Variants in SLC35B2 observed in about 807,000 individuals in gnomAD.
The protein encoded by SLC35B2 is solute carrier family 35 member B2, also known as adenosine 3'-phospho 5'-phosphosulfate transporter 1.
In SLC35B2, 19 loss-of-function variants were observed where a neutral mutation model predicts 37.9. That is an observed-to-expected ratio of 0.50 (90% CI 0.35 to 0.74). The LOEUF is 0.74. SLC35B2 is among the 30% of genes least tolerant of loss of function. The pLI, the probability that SLC35B2 is intolerant of heterozygous loss-of-function variation, is 0.01. For synonymous variants in SLC35B2, 277 were observed against 225.2 expected (o/e 1.23, Z -2.06); for missense variants, 633 against 547.6 (o/e 1.16, Z -1.56).
intron 3 of SLC35B2, among the ~76,000 whole-genome samples, chr6:44,256,099 C>T (rs1781453405): frequency 6.6e-6 from 1 of 151,358 alleles, no homozygotes; most frequent in Non-Finnish European, 1.5e-5. Context: ...GTCCTCTCTT[C>T]TGCACTAGAC....
At chr6:44,256,058 A>G (rs1781434224) in intron 3 of SLC35B2, among the ~76,000 whole-genome samples, 1 of 119,544 alleles carries the variant, frequency 8.4e-6, no homozygotes, top group African/African-American at 3.3e-5. Context: ...ATAACGGCAC[A>G]GTAGAAATCA....
Position 44,254,623 on chromosome 6 carries a change from T to A in SLC35B2, c.*83A>T, listed in dbSNP as rs1781165839. The A allele has an allele frequency of 2.0e-6, 3 of 1,469,588 alleles. No individual in the cohort carries two copies. Among genetic ancestry groups the A allele is most frequent in the Non-Finnish European group, 2.7e-6 (3 of 1,092,952 alleles). The allele number at this position is 1,469,588 out of a possible 1,614,324, so 91.0% of individuals were successfully genotyped here. On this transcript the variant is annotated 3_prime_UTR_variant, in exon 4 of 4. Coordinates refer to ENST00000393812, the MANE Select transcript of SLC35B2 (RefSeq NM_178148.4). ...GAGAAAACACCTGCATTTTGCCCTT[T>A]CAGCCAGCTCCCTCAGAGGTTACAG...
rs1781097072 is a variant in SLC35B2 at position 44,254,167 on chromosome 6, C to T, written c.*539G>A. The T allele has an allele frequency of 4.6e-6, 1 of 217,830 alleles. No individual in the cohort carries two copies. The highest frequency in any genetic ancestry group is 9.4e-6 in the Non-Finnish European group (1 of 106,670). 13.5% of individuals were successfully genotyped at this position (217,830 alleles called of 1,614,324 possible). A position where few individuals can be genotyped will look rare whatever the true frequency, so the allele number is the denominator to read the frequency against. On this transcript the variant is annotated 3_prime_UTR_variant, in exon 4 of 4. Coordinates refer to ENST00000393812, the MANE Select transcript of SLC35B2 (RefSeq NM_178148.4). ...GCAAAAAGTTACATTTCTAAAGTAC[C>T]AAAACCTGCAACAGGCTCATGGAAC... is the stretch of plus-strand genomic sequence containing the variant.
Position 44,255,402 on chromosome 6 carries a change from G to A in SLC35B2, c.603C>T (p.Tyr201=), listed in dbSNP as rs967910881. The A allele has an allele frequency of 8.1e-6, 13 of 1,614,112 alleles. No individual in the cohort carries two copies. The highest frequency in any genetic ancestry group is 1.7e-5 in the Admixed American group (1 of 60,016). The change falls in exon 4 of 4, where the codon TAC becomes TAT. Residue 201 remains tyrosine (Y), a synonymous_variant. Transcript: ENST00000393812. ...LSNVLSSWCQ[Y]EALKFVSFPT... The stretch of plus-strand genomic sequence containing the variant: ...GGAAGCTGACGAACTTAAGAGCTTC[G>A]TATTGGCACCAGCTGCTAAGCACAT...
intron 2 of SLC35B2, 34 bp from the exon 3 acceptor site, chr6:44,256,530 T>A (rs369016707): frequency 1.2e-6 from 2 of 1,613,878 alleles, no homozygotes; most frequent in Non-Finnish European, 1.7e-6. Context: ...GCCCCAAATC[T>A]TCTCCATAGC....
chr6:44,255,325 C>G lies in SLC35B2; in HGVS notation c.680G>C (p.Gly227Ala). Residue 227 changes from glycine to alanine, a missense_variant, in exon 4 of 4, where the codon GGA becomes GCA. Transcript: ENST00000393812. ...ASKVIPVMLM[G>A]KLVSRRSYEH... ...GTAGCTGCGCCGAGACACAAGCTTT[C>G]CCATCAGCATGACAGGGATCACCTT... is the stretch of plus-strand genomic sequence containing the variant. 1 of 1,614,226 alleles carries G rather than the reference C, an allele frequency of 6.2e-7. No individual in the cohort carries two copies. The highest frequency in any genetic ancestry group is 8.5e-7 in the Non-Finnish European group (1 of 1,180,038).
In SLC35B2 at chr6:44,254,565, C is replaced by CA. The variant is rs372623286; in HGVS notation, c.*140dup. The CA allele has an allele frequency of 1.8e-4, 175 of 996,708 alleles. 1 individual carries two copies. The African/African-American group carries it at 2.6e-3, about 15-fold the overall frequency. 61.7% of individuals were successfully genotyped at this position (996,708 alleles called of 1,614,324 possible). A position where few individuals can be genotyped will look rare whatever the true frequency, so the allele number is the denominator to read the frequency against. ...AGGGAAGGCTGCCTCCTGGGCTCCC[C>CA]AATCCCCTGCTGCAGAGCTGGTCTG... On this transcript the variant is annotated 3_prime_UTR_variant, in exon 4 of 4. Coordinates refer to ENST00000393812, the MANE Select transcript of SLC35B2 (RefSeq NM_178148.4).
At position 44,256,910 on chromosome 6, in the gene SLC35B2, G is replaced by A. The variant is rs1583004077; in HGVS notation, c.12-32C>T. 3 of 1,573,482 alleles carry A rather than the reference G, an allele frequency of 1.9e-6. No individual in the cohort carries two copies. In the East Asian group the frequency reaches 6.8e-5, roughly 36 times the overall value. On this transcript the variant is annotated intron_variant, in intron 1 of 3. Transcript: ENST00000393812. ...GGAAAGCGGACATAAGGATTAGGGC[G>A]CAGCTCCTCATCCCCTCCGCCCTCC...
Position 44,255,561 on chromosome 6 carries a change from G to T in SLC35B2, c.444C>A (p.Arg148=), listed in dbSNP as rs1055447623. 6.2e-7 allele frequency: 1 copy of T among 1,614,202 alleles called. No homozygotes were observed. The highest frequency in any genetic ancestry group is 1.1e-5 in the South Asian group (1 of 91,074). Residue 148 remains arginine (R), a synonymous_variant, in exon 4 of 4, where the codon CGC becomes CGA. Transcript: ENST00000393812. The part of the protein sequence containing the change: ...YGATATSPGE[R]FTDSQFLVLM... ...GCACCAGGAACTGCGAGTCCGTAAA[G>T]CGCTCACCCGGTGATGTGGCTGTGG...
rs1561909483 is a variant in SLC35B2, at chr6:44,255,610, C to CT, written c.394dup (p.Arg132LysfsTer16). 1.2e-6 allele frequency: 2 copies of CT among 1,614,036 alleles called. No individual in the cohort carries two copies. The highest frequency in any genetic ancestry group is 1.7e-5 in the Admixed American group (1 of 60,024). ...GGCCCCATAGCTGCGGGTCATCACT[C>CT]TTTCCTGCAGCACACCCCAAGTCAG... On this transcript the variant is annotated frameshift_variant, in exon 4 of 4. Transcript: ENST00000393812. LOFTEE classifies it high-confidence loss of function.
intron 1 of SLC35B2, 168 bp from the exon 2 acceptor site, chr6:44,257,046 C>G (rs1781608055): frequency 2.5e-6 from 2 of 798,970 alleles, no homozygotes; most frequent in African/African-American, 3.5e-5. Context: ...GGAGGGGGTG[C>G]GCCGGCGCTG....
At chr6:44,257,081 CG>C in intron 1 of SLC35B2, 2 of 645,270 alleles carry the variant, frequency 3.1e-6, no homozygotes, top group Non-Finnish European at 5.1e-6. Context: ...CCTCCCTCCC[CG>C]GGGGCGGATC....
rs1354199813 is a variant in SLC35B2 at position 44,254,970 on chromosome 6, G to A, written c.1035C>T (p.Ser345=). The A allele has an allele frequency of 6.2e-7, 1 of 1,614,206 alleles. No individual in the cohort carries two copies. ...SEFAAHALLL[S]ICSACGQLFI... The stretch of plus-strand genomic sequence containing the variant: ...AGAGCTGGCCACATGCGGAGCAGAT[G>A]GAGAGTAGCAGGGCATGGGCAGCAA... Residue 345 remains serine, a synonymous_variant, in exon 4 of 4, where the codon TCC becomes TCT. Coordinates refer to ENST00000393812, the MANE Select transcript of SLC35B2 (RefSeq NM_178148.4).
At chr6:44,257,014 T>TCTC (rs1781597862) in intron 1 of SLC35B2, 136 bp from the exon 2 acceptor site, 2 of 248,892 alleles carry the variant, frequency 8.0e-6, no homozygotes, top group Admixed American at 6.3e-5. Context: ...ACAAAGAGCC[T>TCTC]CTCTCTCTCT....
chr6:44,254,532 A>T lies in SLC35B2; in HGVS notation c.*174T>A. Reference sequence around the variant, plus strand: ...CTGCTTACTGGAAGATGGGTGACTTAAGGCAAAAGGGAAGGCTGCCTCCTG... The same window carrying T: ...CTGCTTACTGGAAGATGGGTGACTTTAGGCAAAAGGGAAGGCTGCCTCCTG... On this transcript the variant is annotated 3_prime_UTR_variant, in exon 4 of 4. Transcript: ENST00000393812. The T allele has an allele frequency of 4.2e-6, 3 of 708,786 alleles. No homozygotes were observed. The highest frequency in any genetic ancestry group is 6.8e-6 in the Non-Finnish European group (3 of 438,180). The allele number at this position is 708,786 out of a possible 1,614,324, so 43.9% of individuals were successfully genotyped here. A position where few individuals can be genotyped will look rare whatever the true frequency, so the allele number is the denominator to read the frequency against.
upstream of SLC35B2, chr6:44,257,563 C>T (rs1233582122): frequency 2.9e-6 from 2 of 684,848 alleles, no homozygotes; most frequent in Non-Finnish European, 3.9e-6. Context: ...CCGCGGCCCC[C>T]TCCGCCCCTG....
chr6:44,255,310 C>A lies in SLC35B2; in HGVS notation c.695G>T (p.Arg232Leu). The A allele has an allele frequency of 1.2e-6, 2 of 1,614,216 alleles. No individual in the cohort carries two copies. The highest frequency in any genetic ancestry group is 1.7e-6 in the Non-Finnish European group (2 of 1,180,038). Residue 232 changes from arginine (R) to leucine (L), a missense_variant, in exon 4 of 4, where the codon CGG (arginine) becomes CTG (leucine). Coordinates refer to ENST00000393812, the MANE Select transcript of SLC35B2 (RefSeq NM_178148.4). Reference protein sequence around the residue: ...PVMLMGKLVSRRSYEHWEYLT... With the variant: ...PVMLMGKLVSLRSYEHWEYLT... The stretch of plus-strand genomic sequence containing the variant: ...GTACTCCCAGTGTTCGTAGCTGCGC[C>A]GAGACACAAGCTTTCCCATCAGCAT...
chr6:44,255,673 CAAT>C lies in SLC35B2; in HGVS notation c.361-32_361-30del, dbSNP rs773726623. On this transcript the variant is annotated intron_variant, in intron 3 of 3. Transcript: ENST00000393812. Reference sequence around the variant, plus strand: ...TTGGGGAAGGTAGAGACAAAGGAGACAATAAGCAAGATAATGAAAAGGTAGACA... The same window carrying C: ...TTGGGGAAGGTAGAGACAAAGGAGACAAGCAAGATAATGAAAAGGTAGACA... The C allele has an allele frequency of 7.0e-6, 11 of 1,577,696 alleles. No individual in the cohort carries two copies. The South Asian group carries it at 8.0e-5, about 11-fold the overall frequency.
At position 44,257,453 on chromosome 6, in the gene SLC35B2, G is replaced by A. The variant is rs757859251; in HGVS notation, c.-43C>T. 2.4e-6 allele frequency: 3 copies of A among 1,246,056 alleles called. No homozygotes were observed. Among genetic ancestry groups the A allele is most frequent in the Non-Finnish European group, 2.0e-6 (2 of 988,138 alleles). The allele number at this position is 1,246,056 out of a possible 1,614,324, so 77.2% of individuals were successfully genotyped here. A position where few individuals can be genotyped will look rare whatever the true frequency, so the allele number is the denominator to read the frequency against. On this transcript the variant is annotated 5_prime_UTR_variant, in exon 1 of 4. Coordinates refer to ENST00000393812, the MANE Select transcript of SLC35B2 (RefSeq NM_178148.4). The stretch of plus-strand genomic sequence containing the variant: ...GTGGAGGGGGAACCGGGGAATGCGA[G>A]TCCCCGGGCCGCGCGCCCCCTGCGC...
Sources: gnomAD v4.1 joint callset for allele counts (sites outside exome capture counted in the v4.1 genomes callset) on GRCh38, gnomAD v4.1.1 for gene constraint, MANE v1.5 for transcripts, NCBI Gene and HGNC (gene_info 2026-07-23, HGNC 2026-07-21) for gene names.